Variants in RSRC1 observed in about 807,000 individuals in gnomAD.
RSRC1 encodes the protein serine/Arginine-related protein 53.
RSRC1 carries 39 observed loss-of-function variants against 49.1 expected under a neutral mutation model. The observed-to-expected ratio is 0.79, with a 90% CI of 0.61 to 1.04. The LOEUF is 1.04. Among genes scored for constraint, RSRC1 ranks in the 50% least tolerant of loss-of-function variants. RSRC1 has a pLI of 0.00. For synonymous variants in RSRC1, 143 were observed against 130.8 expected, an observed-to-expected ratio of 1.09 and a Z score of -0.63; for missense variants, 388 against 402.4, an observed-to-expected ratio of 0.96 and a Z score of 0.31.
At chr3:158,183,373 A>T (rs1719740416) in intron 3 of RSRC1, among the ~76,000 whole-genome samples, 1 of 152,070 alleles carries the variant, frequency 6.6e-6, no homozygotes, top group African/African-American at 2.4e-5. Context: ...CAGTAGTAAA[A>T]ATGGAAATGA....
In RSRC1 at chr3:158,497,248, T is replaced by C. The variant is rs1045324572; in HGVS notation, c.652+36245T>C. Among the ~76,000 whole-genome samples, 36 of 125,798 alleles carry C rather than the reference T, an allele frequency of 2.9e-4. 1 individual carries two copies. In the Admixed American group the frequency reaches 3.6e-3, roughly 13 times the overall value. 82.5% of individuals were successfully genotyped at this position (125,798 alleles called of 152,430 possible). ...AGCCCCTGGCAACCACCATTAGGAG[T>C]GTACCTACTTTTTTTTCCATAAGTT... On this transcript the variant is annotated intron_variant, in intron 7 of 9. Transcript: ENST00000611884.
chr3:158,447,366 AT>A (rs1301667392), intron 6 of RSRC1, among the ~76,000 whole-genome samples: 2 of 152,050 alleles, frequency 1.3e-5, no homozygotes, highest in Admixed American at 6.6e-5. Flanking sequence ...TATTAATAAC[AT>A]AATTATTTGC....
intron 4 of RSRC1, among the ~76,000 whole-genome samples, chr3:158,257,359 T>C (rs1724624099): frequency 6.6e-6 from 1 of 152,210 alleles, no homozygotes; most frequent in South Asian, 2.1e-4. Flanking sequence ...ATAATTGCTT[T>C]ATCCTTTTGC....
In RSRC1 at chr3:158,410,225, ACTT is replaced by A. The variant is rs1266680646; in HGVS notation, c.584-50707_584-50705del. 2.6e-5 allele frequency among the ~76,000 whole-genome samples: 4 copies of A among 152,218 alleles called. No individual in the cohort carries two copies. In the East Asian group the frequency reaches 7.7e-4, roughly 29 times the overall value. ...AAGCTTCCATGGTTTGCTCATGTCT[ACTT>A]CTCCAGTCTCATCCTGGACCACTCT... On this transcript the variant is annotated intron_variant, in intron 6 of 9. Transcript: ENST00000611884.
At chr3:158,468,414 A>G (rs1394393609) in intron 7 of RSRC1, among the ~76,000 whole-genome samples, 5 of 152,142 alleles carry the variant, frequency 3.3e-5, no homozygotes, top group Non-Finnish European at 5.9e-5. Context: ...TTATCCTGAG[A>G]TGAAAACACT....
intron 7 of RSRC1, among the ~76,000 whole-genome samples, chr3:158,518,122 GTGTGTA>G (rs1284412190): frequency 1.7e-3 from 108 of 63,004 alleles, no homozygotes; most frequent in African/African-American, 6.8e-3. Flanking sequence ...GTGTGTGTGT[GTGTGTA>G]TATATATATA....
In RSRC1 at chr3:158,169,455, A is replaced by G. The variant is rs113139114; in HGVS notation, c.321-33617A>G. 7.4e-3 allele frequency among the ~76,000 whole-genome samples: 1,119 copies of G among 152,214 alleles called. 19 individuals are homozygous for G. The highest frequency in any genetic ancestry group is 0.026 in the African/African-American group (1,083 of 41,542). On this transcript the variant is annotated intron_variant, in intron 3 of 9. Transcript: ENST00000611884. ...TGCTTCTGGCTTCTGGCCAGAAGCT[A>G]TATCTCCTAGCCTGTTGGAATGCTG...
Position 158,386,550 on chromosome 3 carries a change from A to T in RSRC1, c.583+31642A>T, listed in dbSNP as rs145001808. Among the ~76,000 whole-genome samples the T allele has an allele frequency of 6.0e-4, 92 of 152,178 alleles. 2 individuals are homozygous for T. Among genetic ancestry groups the T allele is most frequent in the East Asian group, 4.1e-3 (21 of 5,182 alleles). On this transcript the variant is annotated intron_variant, in intron 6 of 9. Coordinates refer to ENST00000611884, the MANE Select transcript of RSRC1 (RefSeq NM_001271838.2). ...TGTAGTGAGATACCTGCTAGAGGCTATATTATATGACCAACACACTATTAT... is the reference window on the plus strand; with the variant it reads ...TGTAGTGAGATACCTGCTAGAGGCTTTATTATATGACCAACACACTATTAT...
At chr3:158,525,086 T>C (rs1430797269) in intron 7 of RSRC1, among the ~76,000 whole-genome samples, 1 of 151,892 alleles carries the variant, frequency 6.6e-6, no homozygotes, top group African/African-American at 2.4e-5. Context: ...TTCCTTAAAC[T>C]TAAAAAGTTT....
chr3:158,327,659 G>A (rs897485560), intron 5 of RSRC1, among the ~76,000 whole-genome samples: 55 of 152,134 alleles, frequency 3.6e-4, no homozygotes, highest in African/African-American at 1.3e-3. Context: ...CAACTATGTG[G>A]TCAATTTTGG....
intron 4 of RSRC1, among the ~76,000 whole-genome samples, chr3:158,257,692 A>G (rs543392836): frequency 2.0e-5 from 3 of 152,066 alleles, no homozygotes; most frequent in South Asian, 2.1e-4. Flanking sequence ...TTTGTGTTCT[A>G]GGTGTTTTGT....
At chr3:158,224,695 G>T (rs1009804024) in intron 4 of RSRC1, among the ~76,000 whole-genome samples, 1 of 151,672 alleles carries the variant, frequency 6.6e-6, no homozygotes, top group Non-Finnish European at 1.5e-5. Flanking sequence ...CTTTACATTG[G>T]ATTAACTCTA....
At chr3:158,469,207 G>T (rs1738020350) in intron 7 of RSRC1, 1 of 289,376 alleles carries the variant, frequency 3.5e-6, no homozygotes, top group Non-Finnish European at 6.8e-6. Flanking sequence ...ACTAAGCCAG[G>T]AAGACCTACA....
chr3:158,273,360 C>T (rs966251523), intron 4 of RSRC1, among the ~76,000 whole-genome samples: 1 of 152,078 alleles, frequency 6.6e-6, no homozygotes, highest in Non-Finnish European at 1.5e-5. Context: ...TATACACACA[C>T]AGATTCATCT....
At chr3:158,382,238 A>G (rs185089979) in intron 6 of RSRC1, among the ~76,000 whole-genome samples, 1 of 152,200 alleles carries the variant, frequency 6.6e-6, no homozygotes, top group Admixed American at 6.5e-5. Context: ...TGGAGCTGTC[A>G]CCTCCTATGA....
intron 6 of RSRC1, among the ~76,000 whole-genome samples, chr3:158,359,589 G>C (rs1041241789): frequency 6.6e-6 from 1 of 152,106 alleles, no homozygotes; most frequent in African/African-American, 2.4e-5. Flanking sequence ...AGCTGGCACC[G>C]GGAACACGGT....
intron 7 of RSRC1, among the ~76,000 whole-genome samples, chr3:158,528,669 G>T (rs886353403): frequency 6.6e-6 from 1 of 151,902 alleles, no homozygotes; most frequent in African/African-American, 2.4e-5. Flanking sequence ...AATTAAAATG[G>T]ACAGCAAACA....
chr3:158,323,783 T>G (rs1026962891), intron 5 of RSRC1, among the ~76,000 whole-genome samples: 20 of 152,370 alleles, frequency 1.3e-4, no homozygotes, highest in African/African-American at 4.8e-4. Flanking sequence ...GTGATTGTTT[T>G]TAGTCATTTT....
At chr3:158,273,482 T>C (rs918195219) in intron 4 of RSRC1, among the ~76,000 whole-genome samples, 10 of 152,152 alleles carry the variant, frequency 6.6e-5, no homozygotes, top group African/African-American at 2.4e-4. Flanking sequence ...TCTTCTGTTG[T>C]ATAAATCTTA....
Sources: gnomAD v4.1 joint callset for allele counts (sites outside exome capture counted in the v4.1 genomes callset) on GRCh38, gnomAD v4.1.1 for gene constraint, MANE v1.5 for transcripts, NCBI Gene and HGNC (gene_info 2026-07-23, HGNC 2026-07-21) for gene names.